The following BRCA1 variants were observed in gnomAD, a reference collection of about 807,000 sequenced individuals.
BRCA1 encodes BRCA1 DNA repair associated, also known as breast cancer type 1 susceptibility protein.
In BRCA1, 140 loss-of-function variants were observed where a neutral mutation model predicts 173.7. That is an observed-to-expected ratio of 0.81 (90% CI 0.70 to 0.93). BRCA1 has a LOEUF of 0.93. Among genes scored for constraint, BRCA1 ranks in the 40% least tolerant of loss-of-function variants. BRCA1 has a pLI of 0.00. For synonymous variants in BRCA1, 662 were observed against 756.0 expected (o/e 0.88, Z 2.04); for missense variants, 1,983 against 2,172.5 (o/e 0.91, Z 1.73).
At chr17:43,133,545 G>C (rs2055988857) in intron 1 of BRCA1, among the ~76,000 whole-genome samples, 1 of 151,998 alleles carries the variant, frequency 6.6e-6, no homozygotes. Flanking sequence ...CAAATGTTTT[G>C]AGCCCTTCCT....
At chr17:43,073,808 G>T (rs1273110866) in intron 14 of BRCA1, among the ~76,000 whole-genome samples, 1 of 152,000 alleles carries the variant, frequency 6.6e-6, no homozygotes, top group African/African-American at 2.4e-5. Flanking sequence ...AGACTGGAGT[G>T]CAGTGGTGTG....
upstream of BRCA1, among the ~76,000 whole-genome samples, chr17:43,130,245 G>C (rs527486197): frequency 6.6e-6 from 1 of 152,078 alleles, no homozygotes; most frequent in African/African-American, 2.4e-5. Flanking sequence ...TCAACTCCTA[G>C]GTTCACGATC....
At position 43,093,009 on chromosome 17, in the gene BRCA1, C is replaced by T. The variant is rs80357337; in HGVS notation, c.2522G>A (p.Arg841Gln). 7.3e-5 allele frequency: 117 copies of T among 1,613,790 alleles called. No homozygotes were observed. Among genetic ancestry groups the T allele is most frequent in the Non-Finnish European group, 8.9e-5 (105 of 1,179,882 alleles). ...TTCTTCCATTTCTATGCTTGTTTCC[C>T]GACTGTGGTTAACTTCATGTCCCAA... The part of the protein sequence containing the change: ...YPLGHEVNHS[R>Q]ETSIEMEESE... The change falls in exon 10 of 23, where the codon CGG becomes CAG. Residue 841 changes from arginine to glutamine, a missense_variant. Coordinates refer to ENST00000357654, the MANE Select transcript of BRCA1 (RefSeq NM_007294.4).
rs80357413 is a variant in BRCA1 at position 43,104,167 on chromosome 17, G to A, written c.396C>T (p.Asn132=). The A allele has an allele frequency of 6.2e-7, 1 of 1,614,046 alleles. No homozygotes were observed. Among genetic ancestry groups the A allele is most frequent in the Non-Finnish European group, 8.5e-7 (1 of 1,179,970 alleles). ...VSIIQSMGYR[N]RAKRLLQSEP... is the part of the protein sequence containing the mutation. The stretch of plus-strand genomic sequence containing the variant: ...CACTCTGTAGAAGTCTTTTGGCACG[G>A]TTTCTGTAGCCCATACTTTGGATGA... Residue 132 remains asparagine, a synonymous_variant, in exon 6 of 23, where the codon AAC becomes AAT. Transcript: ENST00000357654.
At chr17:43,100,596 T>TATATATATATA (rs2054364699) in intron 6 of BRCA1, among the ~76,000 whole-genome samples, 1 of 49,840 alleles carries the variant, frequency 2.0e-5, no homozygotes, top group Non-Finnish European at 3.4e-5. Flanking sequence ...ATATATATAT[T>TATATATATATA]ATATATATAT....
chr17:43,100,680 T>TAAA lies in BRCA1; in HGVS notation c.442-801_442-800insTTT, dbSNP rs1234409971. On this transcript the variant is annotated intron_variant, in intron 6 of 22. Transcript: ENST00000357654. The stretch of plus-strand genomic sequence containing the variant: ...AACATATATATATATATATATATAA[T>TAAA]ATATATATATATATATATATATGTA... Among the ~76,000 whole-genome samples the TAAA allele has an allele frequency of 1.4e-3, 15 of 11,068 alleles. 1 individual carries two copies. The highest frequency in any genetic ancestry group is 0.036 in the Middle Eastern group (1 of 28). 7.3% of individuals were successfully genotyped at this position (11,068 alleles called of 152,430 possible).
intron 12 of BRCA1, among the ~76,000 whole-genome samples, chr17:43,081,521 A>G (rs1192390984): frequency 2.6e-5 from 4 of 152,208 alleles, no homozygotes; most frequent in Non-Finnish European, 4.4e-5. Flanking sequence ...TTTAACACTC[A>G]GATAAGAATC....
Position 43,062,098 on chromosome 17 carries a change from C to CT in BRCA1, c.5193+1234dup, listed in dbSNP as rs536209322. Among the ~76,000 whole-genome samples the CT allele has an allele frequency of 7.3e-4, 107 of 146,362 alleles. No homozygotes were observed. In the East Asian group the frequency reaches 7.9e-3, roughly 11 times the overall value. ...GTATATATGCATATGCACACACACA[C>CT]TTTTTTTTTTTTAAGAGACAGGGTC... is the stretch of plus-strand genomic sequence containing the variant. On this transcript the variant is annotated intron_variant, in intron 18 of 22. Transcript: ENST00000357654.
At chr17:43,072,350 T>C (rs1321271125) in intron 14 of BRCA1, among the ~76,000 whole-genome samples, 3 of 151,284 alleles carry the variant, frequency 2.0e-5, no homozygotes, top group Non-Finnish European at 4.4e-5. Context: ...GATTGCGCCA[T>C]TGCACTCCAG....
intron 12 of BRCA1, 141 bp downstream of exon 12, chr17:43,082,263 C>A (rs1339623762): frequency 7.2e-6 from 7 of 968,500 alleles, no homozygotes; most frequent in Non-Finnish European, 1.1e-5. Flanking sequence ...TGAGCAGGGA[C>A]AAGAACCAAG....
At chr17:43,153,361 TCTC>T (rs2056175391) in intron 1 of BRCA1, among the ~76,000 whole-genome samples, 1 of 152,166 alleles carries the variant, frequency 6.6e-6, no homozygotes, top group Non-Finnish European at 1.5e-5. Flanking sequence ...GAGCCTTATC[TCTC>T]CTCCTTTCCC....
intron 7 of BRCA1, 72 bp from the exon 8 acceptor site, chr17:43,097,361 G>T: frequency 1.6e-6 from 2 of 1,230,434 alleles, no homozygotes; most frequent in Non-Finnish European, 2.4e-6. Context: ...AAATGTACTT[G>T]TTGAAAAACA....
rs1567779778 is a variant in BRCA1, at chr17:43,076,579, T to C, written c.4393A>G (p.Ile1465Val). Residue 1465 changes from isoleucine (I) to valine (V), a missense_variant, in exon 13 of 23, where the codon ATA (isoleucine) becomes GTA (valine). Physicochemically the swap from Ile to Val is conservative, Grantham distance 29. Transcript: ENST00000357654. Reference protein sequence around the residue: ...LTSQKSSEYPISQNPEGLSAD... With the variant: ...LTSQKSSEYPVSQNPEGLSAD... ...GAAAGGCCTTCTGGATTCTGGCTTATAGGGTATTCACTACTTTTCTGTGAA... is the reference window on the plus strand; with the variant it reads ...GAAAGGCCTTCTGGATTCTGGCTTACAGGGTATTCACTACTTTTCTGTGAA... 6.2e-6 allele frequency: 10 copies of C among 1,613,704 alleles called. No homozygotes were observed. The highest frequency in any genetic ancestry group is 1.3e-5 in the African/African-American group (1 of 75,014).
intron 1 of BRCA1, among the ~76,000 whole-genome samples, chr17:43,151,631 T>C (rs963237073): frequency 6.6e-6 from 1 of 152,210 alleles, no homozygotes; most frequent in Admixed American, 6.5e-5. Flanking sequence ...GGCTCATGCC[T>C]GTAATCCCAA....
At chr17:43,114,159 C>T (rs753293205) in intron 3 of BRCA1, among the ~76,000 whole-genome samples, 70 of 152,042 alleles carry the variant, frequency 4.6e-4, no homozygotes, top group Non-Finnish European at 6.5e-4. Flanking sequence ...CTTCGAACTC[C>T]TGGCCTTAAG....
chr17:43,045,360 A>G lies in BRCA1; in HGVS notation c.*318T>C. On this transcript the variant is annotated 3_prime_UTR_variant, in exon 23 of 23. Transcript: ENST00000357654. ...CAGCCCTAAGCCAACAACAGCCTGAATAGAAAGAATAGGGCTGATAAATAA... is the reference window on the plus strand; with the variant it reads ...CAGCCCTAAGCCAACAACAGCCTGAGTAGAAAGAATAGGGCTGATAAATAA... 1 of 590,746 alleles carries G rather than the reference A, an allele frequency of 1.7e-6. No homozygotes were observed. The highest frequency in any genetic ancestry group is 3.2e-6 in the Non-Finnish European group (1 of 314,452). The allele number at this position is 590,746 out of a possible 1,614,324, so 36.6% of individuals were successfully genotyped here. A position where few individuals can be genotyped will look rare whatever the true frequency, so the allele number is the denominator to read the frequency against.
chr17:43,124,300 G>C (rs2055762882), intron 1 of BRCA1, among the ~76,000 whole-genome samples, 185 bp from the exon 2 acceptor site: 1 of 152,124 alleles, frequency 6.6e-6, no homozygotes, highest in African/African-American at 2.4e-5. Context: ...TTTGTAATTA[G>C]ACAACATAAA....
At chr17:43,123,581 C>T (rs529196733) in intron 2 of BRCA1, among the ~76,000 whole-genome samples, 1 of 152,228 alleles carries the variant, frequency 6.6e-6, no homozygotes, top group East Asian at 1.9e-4. Flanking sequence ...ATCTCCTGAC[C>T]TCGTGATCCT....
intron 14 of BRCA1, among the ~76,000 whole-genome samples, chr17:43,072,617 T>G (rs1292126222): frequency 6.8e-6 from 1 of 147,646 alleles, no homozygotes; most frequent in East Asian, 2.1e-4. Flanking sequence ...CAGGCTAGAG[T>G]GCAATGGCGC....
Sources: allele counts gnomAD v4.1 joint callset (sites outside exome capture counted in the v4.1 genomes callset), GRCh38; gene constraint gnomAD v4.1.1; transcripts MANE v1.5; gene names NCBI Gene and HGNC (gene_info 2026-07-23, HGNC 2026-07-21).